PIAS4: variants seen among roughly 807,000 people sequenced by gnomAD.
PIAS4 encodes protein inhibitor of activated STAT 4.
PIAS4 carries 7 observed loss-of-function variants against 58.0 expected under a neutral mutation model. The ratio of observed to expected loss-of-function variants is 0.12; its 90% CI spans 0.07 to 0.23. PIAS4 has a LOEUF of 0.23. Ranked by LOEUF, PIAS4 falls within the 10% of genes least tolerant of loss-of-function variation. PIAS4 has a pLI of 1.00. For synonymous variants in PIAS4, 364 were observed against 312.4 expected (o/e 1.17, Z -1.74); for missense variants, 550 against 709.5 (o/e 0.78, Z 2.55).
intron 2 of PIAS4, 77 bp from the exon 3 acceptor site, chr19:4,023,959 G>C: frequency 1.0e-6 from 1 of 958,260 alleles, no homozygotes; most frequent in Non-Finnish European, 1.7e-6. Flanking sequence ...CTGAAGAGGC[G>C]CAGGCTGGGA....
Position 4,037,478 on chromosome 19 carries a change from G to T in PIAS4, c.1247G>T (p.Ser416Ile), listed in dbSNP as rs756505500. 6.2e-7 allele frequency: 1 copy of T among 1,611,076 alleles called. No homozygotes were observed. The highest frequency in any genetic ancestry group is 1.7e-5 in the Admixed American group (1 of 59,920). Residue 416 changes from serine (S) to isoleucine (I), a missense_variant, in exon 10 of 11, where the codon AGC (serine) becomes ATC (isoleucine). Transcript: ENST00000262971. This position sits in a 1 kb window ranked among gnomAD's most constrained non-coding sequence, Gnocchi z 5.8. ...CGCGCCGAAAAGGAGCGCAGCTGCAGCCCGCAGGGCGCCATCCTCGTGCTG... is the reference window on the plus strand; with the variant it reads ...CGCGCCGAAAAGGAGCGCAGCTGCATCCCGCAGGGCGCCATCCTCGTGCTG... Reference protein sequence around the residue: ...PIRAEKERSCSPQGAILVLGP... With the variant: ...PIRAEKERSCIPQGAILVLGP...
intron 4 of PIAS4, 103 bp downstream of exon 4, chr19:4,028,290 C>T (rs1350627777): frequency 3.4e-6 from 3 of 895,212 alleles, no homozygotes; most frequent in African/African-American, 1.8e-5. Flanking sequence ...CCCCTGCTAA[C>T]AGCAGAGCCC....
Position 4,012,967 on chromosome 19 carries a change from G to A in PIAS4, c.72G>A (p.Leu24=). 1 of 1,613,726 alleles carries A rather than the reference G, an allele frequency of 6.2e-7. No homozygotes were observed. Among genetic ancestry groups the A allele is most frequent in the Non-Finnish European group, 8.5e-7 (1 of 1,179,948 alleles). Residue 24 remains leucine, a synonymous_variant, in exon 2 of 11, where the codon CTG becomes CTA. Coordinates refer to ENST00000262971, the MANE Select transcript of PIAS4 (RefSeq NM_015897.4). ...GAGTCTCCGACCTTCAGATGCTCCT[G>A]GGTTTCGTGGGCCGGAGTAAGAGTG... ...SFRVSDLQML[L]GFVGRSKSGL...
intron 7 of PIAS4, among the ~76,000 whole-genome samples, chr19:4,029,556 T>TC (rs1431384771): frequency 6.6e-6 from 1 of 151,720 alleles, no homozygotes; most frequent in Non-Finnish European, 1.5e-5. Flanking sequence ...TTTTTCTTTT[T>TC]CTTTTTTTTT....
At chr19:4,023,172 C>CAAAAA (rs36013586) in intron 2 of PIAS4, among the ~76,000 whole-genome samples, 1 of 118,728 alleles carries the variant, frequency 8.4e-6, no homozygotes, top group Admixed American at 8.8e-5. Context: ...AACAAAGTCT[C>CAAAAA]AAAAAAAAAA....
chr19:4,015,574 G>C (rs1360964252), intron 2 of PIAS4, among the ~76,000 whole-genome samples: 2 of 152,208 alleles, frequency 1.3e-5, no homozygotes, highest in Non-Finnish European at 2.9e-5. Flanking sequence ...TCGGTCCTCA[G>C]AAGTTTCCTG....
intron 2 of PIAS4, among the ~76,000 whole-genome samples, chr19:4,014,951 T>C (rs1015853966): frequency 2.6e-5 from 4 of 152,178 alleles, no homozygotes; most frequent in African/African-American, 9.6e-5. Context: ...GTGCTGTCGG[T>C]GGTTCCTGCG....
chr19:4,015,763 G>A (rs2040046358), intron 2 of PIAS4, among the ~76,000 whole-genome samples: 1 of 152,184 alleles, frequency 6.6e-6, no homozygotes, highest in Admixed American at 6.5e-5. Context: ...TCCCTCCTCT[G>A]GCTGTGACCC....
rs752315957 is a variant in PIAS4, at chr19:4,013,257, G to A, written c.362G>A (p.Arg121Gln). 10 of 1,613,230 alleles carry A rather than the reference G, an allele frequency of 6.2e-6. No individual in the cohort carries two copies. In the East Asian group the frequency reaches 8.9e-5, roughly 14 times the overall value. Residue 121 changes from arginine (R) to glutamine (Q), a missense_variant, in exon 2 of 11, where the codon CGG becomes CAG. Physicochemically the swap from Arg to Gln is conservative, Grantham distance 43. Transcript: ENST00000262971. This position sits in a 1 kb window ranked among gnomAD's most constrained non-coding sequence, Gnocchi z 5.1. ...GGAAAGTACTTAAACGGACTGGGAC[G>A]GTTGCCCGCCAAGACCCTCAAGCCA... ...LYGKYLNGLG[R>Q]LPAKTLKPEV...
At chr19:4,031,833 C>G (rs1599230687) in intron 7 of PIAS4, among the ~76,000 whole-genome samples, 2 of 152,224 alleles carry the variant, frequency 1.3e-5, no homozygotes, top group African/African-American at 4.8e-5. Context: ...TCTCCATACA[C>G]AAAGGAGGGA....
chr19:4,028,636 T>C lies in PIAS4; in HGVS notation c.672+36T>C, dbSNP rs10424860. 7.1e-3 allele frequency: 11,460 copies of C among 1,608,708 alleles called. 754 individuals carry two copies. In the African/African-American group the frequency reaches 0.14, roughly 19 times the overall value. On this transcript the variant is annotated intron_variant, in intron 5 of 10. Transcript: ENST00000262971. ...CCCGCCCCCGCGTCGGCTGCACGGG[T>C]TTGGGGGGCGTGGAGGGAGGGTGGG... is the stretch of plus-strand genomic sequence containing the variant.
intron 9 of PIAS4, among the ~76,000 whole-genome samples, chr19:4,033,880 T>C (rs908515876): frequency 2.6e-5 from 4 of 152,150 alleles, no homozygotes; most frequent in African/African-American, 9.7e-5. Context: ...GAGTGTGGTT[T>C]GTGCCACAAA....
chr19:4,019,074 C>T (rs552770777), intron 2 of PIAS4, among the ~76,000 whole-genome samples: 21 of 152,128 alleles, frequency 1.4e-4, no homozygotes, highest in Admixed American at 7.8e-4. Context: ...CTGCACCGGG[C>T]GGGATTTGAA....
At chr19:4,012,729 A>C (rs761098120) in intron 1 of PIAS4, among the ~76,000 whole-genome samples, 194 bp from the exon 2 acceptor site, 1 of 144,148 alleles carries the variant, frequency 6.9e-6, no homozygotes, top group Non-Finnish European at 1.5e-5. Flanking sequence ...AAGTTTGATG[A>C]GGAGGAGGGA....
At chr19:4,019,419 G>A (rs2040086640) in intron 2 of PIAS4, among the ~76,000 whole-genome samples, 1 of 152,170 alleles carries the variant, frequency 6.6e-6, no homozygotes, top group South Asian at 2.1e-4. Flanking sequence ...GGCCCTGTCT[G>A]CCCCAGGCAT....
At chr19:4,014,961 G>C (rs993090683) in intron 2 of PIAS4, among the ~76,000 whole-genome samples, 2 of 152,168 alleles carry the variant, frequency 1.3e-5, no homozygotes, top group Admixed American at 6.5e-5. Context: ...TGGTTCCTGC[G>C]GCAGCCGAGG....
chr19:4,035,704 C>T (rs72976973), intron 9 of PIAS4, among the ~76,000 whole-genome samples: 17,320 of 139,270 alleles, frequency 0.12, 1,280 homozygotes, highest in Non-Finnish European at 0.17. Flanking sequence ...AGCAGGTGTG[C>T]GTGCACACCC....
chr19:4,034,472 C>A (rs1380466269), intron 9 of PIAS4, among the ~76,000 whole-genome samples: 1 of 152,250 alleles, frequency 6.6e-6, no homozygotes, highest in South Asian at 2.1e-4. Context: ...CAACCAGCAG[C>A]TGGAGCTACC....
chr19:4,023,581 T>C (rs2040132118), intron 2 of PIAS4, among the ~76,000 whole-genome samples: 1 of 152,194 alleles, frequency 6.6e-6, no homozygotes, highest in South Asian at 2.1e-4. Flanking sequence ...ATGGCCTTCA[T>C]CCCGTCAGTA....
Sources: allele counts gnomAD v4.1 joint callset (sites outside exome capture counted in the v4.1 genomes callset), GRCh38; gene constraint gnomAD v4.1.1; non-coding constraint Gnocchi (gnomAD v3.1); transcripts MANE v1.5; gene names NCBI Gene and HGNC (gene_info 2026-07-23, HGNC 2026-07-21).